Variants in ABCC8 observed in about 807,000 individuals in gnomAD.
ABCC8 encodes the protein ATP-binding cassette sub-family C member 8.
Under a neutral mutation model 188.0 loss-of-function variants are expected in ABCC8, and 137 were observed. That is an observed-to-expected ratio of 0.73 (90% confidence interval 0.63 to 0.84). The LOEUF is 0.84. Ranked by LOEUF, ABCC8 falls within the 40% of genes least tolerant of loss-of-function variation. ABCC8 has a pLI of 0.00. For synonymous variants in ABCC8, 797 were observed against 846.5 expected (o/e 0.94, Z 1.01); for missense variants, 1,750 against 2,072.7 (o/e 0.84, Z 3.02).
intron 25 of ABCC8, 38 bp from the exon 26 acceptor site, chr11:17,406,826 C>A (rs779991290): frequency 1.2e-6 from 2 of 1,614,184 alleles, no homozygotes; most frequent in South Asian, 2.2e-5. Flanking sequence ...TCCAGGGTGC[C>A]CATGGGCTCA....
chr11:17,404,778 T>C lies in ABCC8; in HGVS notation c.3400-109A>G. ...CACTTTATTTTTTGATCCTTTATTT[T>C]TTTGAGACTGAGTCTCACTGTTGCC... is the stretch of plus-strand genomic sequence containing the variant. On this transcript the variant is annotated intron_variant, in intron 27 of 38. Transcript: ENST00000389817. The surrounding 1 kb of genome is among the most constrained non-coding windows in gnomAD (Gnocchi z 4.7). 1 of 1,486,270 alleles carries C rather than the reference T, an allele frequency of 6.7e-7. No individual in the cohort carries two copies. The highest frequency in any genetic ancestry group is 9.1e-7 in the Non-Finnish European group (1 of 1,095,622). 92.1% of individuals were successfully genotyped at this position (1,486,270 alleles called of 1,614,324 possible). A position where few individuals can be genotyped will look rare whatever the true frequency, so the allele number is the denominator to read the frequency against.
At chr11:17,403,164 C>T (rs2067043) in intron 28 of ABCC8, among the ~76,000 whole-genome samples, 37,277 of 152,034 alleles carry the variant, frequency 0.25, 5,401 homozygotes, top group East Asian at 0.55. Context: ...AAGCGTTCAA[C>T]CCCGTCTTCC....
chr11:17,462,949 A>AG (rs1847914991), intron 4 of ABCC8, among the ~76,000 whole-genome samples: 1 of 152,120 alleles, frequency 6.6e-6, no homozygotes, highest in Non-Finnish European at 1.5e-5. Context: ...GGAAAGACAA[A>AG]CGAGTTCATT....
chr11:17,460,961 G>A, intron 5 of ABCC8: 1 of 525,586 alleles, frequency 1.9e-6, no homozygotes, highest in Non-Finnish European at 3.3e-6. Context: ...GGAATGAGGA[G>A]GTGGCCATGT....
chr11:17,443,673 G>T (rs1446871696), intron 8 of ABCC8, among the ~76,000 whole-genome samples: 1 of 152,158 alleles, frequency 6.6e-6, no homozygotes, highest in South Asian at 2.1e-4. Flanking sequence ...GGCTCTCAGG[G>T]CTTATGGTTA....
intron 36 of ABCC8, 96 bp from the exon 37 acceptor site, chr11:17,394,495 G>T: frequency 6.3e-7 from 1 of 1,588,434 alleles, no homozygotes; most frequent in African/African-American, 1.3e-5. Flanking sequence ...GAAAATGTGT[G>T]CATGGGGGCA....
At chr11:17,450,263 TTTC>T (rs1956721028) in intron 7 of ABCC8, among the ~76,000 whole-genome samples, 1 of 77,938 alleles carries the variant, frequency 1.3e-5, no homozygotes, top group Non-Finnish European at 2.8e-5. Flanking sequence ...TTTCTTTCTC[TTTC>T]TTTCTTTCTT....
intron 14 of ABCC8, 165 bp downstream of exon 14, chr11:17,428,124 G>T (rs1461493332): frequency 1.3e-6 from 2 of 1,562,548 alleles, no homozygotes; most frequent in African/African-American, 1.4e-5. Flanking sequence ...TAAGGCTGGG[G>T]GTCCCCCCAC....
At chr11:17,406,325 C>T in intron 26 of ABCC8, 1 of 423,714 alleles carries the variant, frequency 2.4e-6, no homozygotes, top group Non-Finnish European at 4.3e-6. Context: ...GCAAATTACA[C>T]CCACTTAGGG....
intron 8 of ABCC8, chr11:17,444,176 T>C (rs1956432621): frequency 6.6e-6 from 1 of 152,064 alleles, no homozygotes; most frequent in Admixed American, 6.6e-5. Context: ...GCTTAGGAGG[T>C]ATCTTAGAGG....
intron 18 of ABCC8, 119 bp downstream of exon 18, chr11:17,415,185 T>TC (rs1955009431): frequency 7.0e-7 from 1 of 1,421,752 alleles, no homozygotes; most frequent in African/African-American, 1.4e-5. Flanking sequence ...CTCCCTGGCC[T>TC]CCCCCAACAC....
chr11:17,394,479 C>T, intron 36 of ABCC8, 80 bp from the exon 37 acceptor site: 1 of 1,607,134 alleles, frequency 6.2e-7, no homozygotes, highest in Non-Finnish European at 8.5e-7. Context: ...GCTTGGGGGG[C>T]TGTTGGAAAA....
intron 6 of ABCC8, among the ~76,000 whole-genome samples, chr11:17,458,213 T>C (rs1366358847): frequency 6.6e-6 from 1 of 152,126 alleles, no homozygotes; most frequent in East Asian, 1.9e-4. Flanking sequence ...AGGGAAAAAA[T>C]ATTAAATCTG....
chr11:17,459,345 T>C (rs1178915126), intron 6 of ABCC8, among the ~76,000 whole-genome samples: 1 of 152,214 alleles, frequency 6.6e-6, no homozygotes, highest in Non-Finnish European at 1.5e-5. Context: ...ATCATAACTA[T>C]TGCTTTCATA....
intron 3 of ABCC8, among the ~76,000 whole-genome samples, chr11:17,464,456 C>A (rs1047573118): frequency 6.6e-6 from 1 of 152,192 alleles, no homozygotes; most frequent in Non-Finnish European, 1.5e-5. Flanking sequence ...AGCTGTGTGA[C>A]CTTGGATTAG....
chr11:17,415,571 T>A (rs968979249), intron 17 of ABCC8, among the ~76,000 whole-genome samples: 1 of 151,954 alleles, frequency 6.6e-6, no homozygotes, highest in South Asian at 2.1e-4. Flanking sequence ...GAGGACCCAG[T>A]TAAGAGGGAG....
intron 12 of ABCC8, chr11:17,429,742 G>C (rs1039498178): frequency 6.6e-6 from 1 of 152,120 alleles, no homozygotes; most frequent in African/African-American, 2.4e-5. Context: ...TGGGAGGAGG[G>C]GTGATCTTCA....
chr11:17,458,365 G>C (rs1009134221), intron 6 of ABCC8, among the ~76,000 whole-genome samples: 1 of 152,222 alleles, frequency 6.6e-6, no homozygotes, highest in South Asian at 2.1e-4. Context: ...CAATGATAAC[G>C]TTCAGATGAA....
At chr11:17,408,360 G>T in intron 23 of ABCC8, 32 bp downstream of exon 23, 1 of 1,597,084 alleles carries the variant, frequency 6.3e-7, no homozygotes, top group Non-Finnish European at 8.6e-7. Context: ...GCATCCAGGG[G>T]TGGCTGCTTG....
Sources: allele counts gnomAD v4.1 joint callset (sites outside exome capture counted in the v4.1 genomes callset), GRCh38; gene constraint gnomAD v4.1.1; non-coding constraint Gnocchi (gnomAD v3.1); transcripts MANE v1.5; gene names NCBI Gene and HGNC (gene_info 2026-07-23, HGNC 2026-07-21).